The following ARAP1 variants were observed in gnomAD, a reference collection of about 807,000 sequenced individuals.
The protein encoded by ARAP1 is arf-GAP with Rho-GAP domain, ANK repeat and PH domain-containing protein 1.
ARAP1 carries 76 observed loss-of-function variants against 172.2 expected under a neutral mutation model. The ratio of observed to expected loss-of-function variants is 0.44; its 90% CI spans 0.37 to 0.53. The LOEUF is 0.53. Among genes scored for constraint, ARAP1 ranks in the 20% least tolerant of loss-of-function variants. The pLI, the probability that ARAP1 is intolerant of heterozygous loss-of-function variation, is 0.00. For synonymous variants in ARAP1, 804 were observed against 803.3 expected (o/e 1.00, Z -0.01); for missense variants, 1,686 against 1,977.5 (o/e 0.85, Z 2.80).
At chr11:72,731,378 A>C (rs922355857) in intron 2 of ARAP1, among the ~76,000 whole-genome samples, 1 of 152,160 alleles carries the variant, frequency 6.6e-6, no homozygotes, top group Non-Finnish European at 1.5e-5. Flanking sequence ...CCATGGTAAC[A>C]AGTGAGTTAT....
At chr11:72,722,640 G>A (rs1242672019) in intron 3 of ARAP1, among the ~76,000 whole-genome samples, 2 of 152,232 alleles carry the variant, frequency 1.3e-5, no homozygotes, top group African/African-American at 4.8e-5. Flanking sequence ...GGACTGCAGG[G>A]CAGTCAAGGG....
intron 14 of ARAP1, chr11:72,703,795 A>G (rs1440546589): frequency 1.4e-5 from 4 of 284,416 alleles, no homozygotes; most frequent in Non-Finnish European, 2.7e-5. Flanking sequence ...GATGGGTCAG[A>G]GCAGCCCAGC....
intron 1 of ARAP1, among the ~76,000 whole-genome samples, chr11:72,751,394 C>T (rs557467157): frequency 3.0e-4 from 45 of 152,282 alleles, no homozygotes; most frequent in African/African-American, 1.1e-3. Context: ...TCCAGTCATC[C>T]CCTCCCCTGG....
Position 72,726,954 on chromosome 11 carries a change from G to A in ARAP1, c.175C>T (p.Arg59Cys), listed in dbSNP as rs747974104. The change falls in exon 3 of 35, where the codon CGC (arginine) becomes TGC (cysteine). Residue 59 changes from arginine to cysteine, a missense_variant. Coordinates refer to ENST00000393609, the MANE Select transcript of ARAP1 (RefSeq NM_001040118.3). The surrounding 1 kb of genome is among the most constrained non-coding windows in gnomAD (Gnocchi z 6.5). ...GCACGGAGCAGGCCAGCCAGGATGCGGCGGCGGTGACCAGGGAGTAGCATG... is the reference window on the plus strand; with the variant it reads ...GCACGGAGCAGGCCAGCCAGGATGCAGCGGCGGTGACCAGGGAGTAGCATG... ...MGMLLPGHRR[R>C]ILAGLLRAHT... 4.4e-6 allele frequency: 7 copies of A among 1,599,312 alleles called. No individual in the cohort carries two copies. Among genetic ancestry groups the A allele is most frequent in the East Asian group, 2.3e-5 (1 of 44,170 alleles).
Position 72,714,199 on chromosome 11 carries a change from CA to C in ARAP1, c.631del (p.Cys211AlafsTer35). The C allele has an allele frequency of 6.6e-7, 1 of 1,520,608 alleles. No homozygotes were observed. Among genetic ancestry groups the C allele is most frequent in the Non-Finnish European group, 8.8e-7 (1 of 1,139,200 alleles). 94.2% of individuals were successfully genotyped at this position (1,520,608 alleles called of 1,614,324 possible). A position where few individuals can be genotyped will look rare whatever the true frequency, so the allele number is the denominator to read the frequency against. On this transcript the variant is annotated frameshift_variant, in exon 4 of 35. Transcript: ENST00000393609. LOFTEE classifies it high-confidence loss of function. ...GPPQPPSPPP[C>X]PPEIPPKPVR... Reference sequence around the variant, plus strand: ...CGGCTTTGGAGGTATCTCCGGGGGGCAGGGAGGTGGAGAGGGAGGCTGGGGA... The same window carrying C: ...CGGCTTTGGAGGTATCTCCGGGGGGCGGGAGGTGGAGAGGGAGGCTGGGGA...
At chr11:72,705,582 A>G (rs1426038173) in intron 13 of ARAP1, 1 of 481,242 alleles carries the variant, frequency 2.1e-6, no homozygotes, top group African/African-American at 2.0e-5. Flanking sequence ...CTTTAAAAAA[A>G]AATAACACTT....
Position 72,695,800 on chromosome 11 carries a change from G to A in ARAP1, c.3338C>T (p.Thr1113Met), listed in dbSNP as rs754647744. The A allele has an allele frequency of 5.6e-6, 9 of 1,614,140 alleles. No homozygotes were observed. The highest frequency in any genetic ancestry group is 4.5e-5 in the East Asian group (2 of 44,884). ...VHNLAIVFGP[T>M]LFQTDGQDYK... ...GTCCTGCCCATCTGTCTGGAAGAGCGTGGGCCCAAACACAATTGCCAGGTT... is the reference window on the plus strand; with the variant it reads ...GTCCTGCCCATCTGTCTGGAAGAGCATGGGCCCAAACACAATTGCCAGGTT... The change falls in exon 24 of 35, where the codon ACG (threonine) becomes ATG (methionine). Residue 1113 changes from threonine to methionine, a missense_variant. Around this residue, in one of 5 missense-constraint regions of ARAP1, gnomAD observed 379 missense variants for 500.1 expected, o/e 0.76. Transcript: ENST00000393609. The surrounding 1 kb of genome is among the most constrained non-coding windows in gnomAD (Gnocchi z 4.4).
chr11:72,698,248 T>A, intron 18 of ARAP1, 142 bp from the exon 19 acceptor site: 2 of 1,043,120 alleles, frequency 1.9e-6, no homozygotes, highest in Non-Finnish European at 2.7e-6. Context: ...CCAAGCCCAG[T>A]GATGGAACTT....
intron 3 of ARAP1, among the ~76,000 whole-genome samples, chr11:72,716,819 A>G (rs1021679360): frequency 1.2e-4 from 19 of 152,196 alleles, no homozygotes; most frequent in African/African-American, 4.6e-4. Context: ...TGGCAGACGA[A>G]GGCCTGCCAC....
chr11:72,742,912 C>T (rs1209557094), intron 1 of ARAP1, among the ~76,000 whole-genome samples: 2 of 152,196 alleles, frequency 1.3e-5, no homozygotes, highest in Admixed American at 6.5e-5. Flanking sequence ...GCAACCTGTC[C>T]CTGTGTGCCC....
At chr11:72,687,883 C>T in intron 31 of ARAP1, 145 bp from the exon 32 acceptor site, 1 of 947,724 alleles carries the variant, frequency 1.1e-6, no homozygotes, top group Non-Finnish European at 1.7e-6. Context: ...ATCCTGGCCT[C>T]TTCCTGTCTC....
rs575786831 is a variant in ARAP1, at chr11:72,744,140, ATGTCACCATCTGTGACTGTGTG to A, written c.-128+8166_-128+8187del. Among the ~76,000 whole-genome samples, 1,209 of 152,126 alleles carry A rather than the reference ATGTCACCATCTGTGACTGTGTG, an allele frequency of 7.9e-3. 16 individuals carry two copies. The highest frequency in any genetic ancestry group is 0.027 in the African/African-American group (1,133 of 41,476). ...ACAGTCACAGCCCTGATCACACCAG[ATGTCACCATCTGTGACTGTGTG>A]TGTCACCATCTGTGACTGTGTCTGT... On this transcript the variant is annotated intron_variant, in intron 1 of 34. Transcript: ENST00000393609.
chr11:72,693,166 A>T lies in ARAP1; in HGVS notation c.3954+159T>A, dbSNP rs1856013837. The T allele has an allele frequency of 3.4e-6, 4 of 1,184,242 alleles. No individual in the cohort carries two copies. In the South Asian group the frequency reaches 6.3e-5, roughly 19 times the overall value. 73.4% of individuals were successfully genotyped at this position (1,184,242 alleles called of 1,614,324 possible). On this transcript the variant is annotated intron_variant, in intron 29 of 34. Coordinates refer to ENST00000393609, the MANE Select transcript of ARAP1 (RefSeq NM_001040118.3). This position sits in a 1 kb window ranked among gnomAD's most constrained non-coding sequence, Gnocchi z 4.6. ...CACTAGAGTGGCCGTCCAGGGCCAC[A>T]GCAGGAGGGGTCTTGAGAGTCTACA...
intron 11 of ARAP1, chr11:72,708,082 G>GA (rs1856847098): frequency 6.6e-6 from 1 of 151,996 alleles, no homozygotes; most frequent in Non-Finnish European, 1.5e-5. Context: ...GACTGTCCCT[G>GA]AAAAAATTTA....
intron 2 of ARAP1, among the ~76,000 whole-genome samples, chr11:72,728,594 A>T (rs905459899): frequency 1.3e-5 from 2 of 152,224 alleles, no homozygotes; most frequent in Non-Finnish European, 2.9e-5. Flanking sequence ...ACAAAAACAA[A>T]AACAAAAACA....
In ARAP1 at chr11:72,727,099, C is replaced by T. The variant is rs1015923848; in HGVS notation, c.30G>A (p.Ser10=). ...GCAATGCCCGCAGCCACTCGGCCAC[C>T]GATAGCGCAGCATCCCCAGCCTCTG... MAEAGDAAL[S]VAEWLRALHL... Residue 10 remains serine (S), a synonymous_variant, in exon 3 of 35, where the codon TCG becomes TCA. Coordinates refer to ENST00000393609, the MANE Select transcript of ARAP1 (RefSeq NM_001040118.3). 8 of 1,594,468 alleles carry T rather than the reference C, an allele frequency of 5.0e-6. No individual in the cohort carries two copies. Among genetic ancestry groups the T allele is most frequent in the Admixed American group, 3.4e-5 (2 of 59,592 alleles).
Position 72,723,679 on chromosome 11 carries a change from G to A in ARAP1, c.509+2941C>T, listed in dbSNP as rs1033490719. On this transcript the variant is annotated intron_variant, in intron 3 of 34. Coordinates refer to ENST00000393609, the MANE Select transcript of ARAP1 (RefSeq NM_001040118.3). Reference sequence around the variant, plus strand: ...TCACTGGGTGCTGAGTCACATGCGTGTTTACCCACATGCACCCCAAGCTCA... The same window carrying A: ...TCACTGGGTGCTGAGTCACATGCGTATTTACCCACATGCACCCCAAGCTCA... Among the ~76,000 whole-genome samples, 3 of 152,330 alleles carry A rather than the reference G, an allele frequency of 2.0e-5. No individual in the cohort carries two copies. The East Asian group carries it at 5.8e-4, about 29-fold the overall frequency.
chr11:72,695,518 C>T lies in ARAP1; in HGVS notation c.3507+24G>A, dbSNP rs371492893. 3.7e-6 allele frequency: 6 copies of T among 1,614,142 alleles called. No individual in the cohort carries two copies. Among genetic ancestry groups the T allele is most frequent in the Non-Finnish European group, 4.2e-6 (5 of 1,180,036 alleles). On this transcript the variant is annotated intron_variant, in intron 25 of 34. Coordinates refer to ENST00000393609, the MANE Select transcript of ARAP1 (RefSeq NM_001040118.3). This position sits in a 1 kb window ranked among gnomAD's most constrained non-coding sequence, Gnocchi z 4.4. ...TGGGTGCAGGTGGCAGGTCCAAGCC[C>T]CCCACCCAGGCTCCAGCCTTCACCT...
intron 3 of ARAP1, chr11:72,721,832 C>A (rs1052123609): frequency 1.6e-5 from 16 of 985,628 alleles, no homozygotes; most frequent in Non-Finnish European, 1.9e-5. Context: ...ACAACAGCAA[C>A]GGCGGCACCT....
Sources: allele counts gnomAD v4.1 joint callset (sites outside exome capture counted in the v4.1 genomes callset), GRCh38; gene constraint gnomAD v4.1.1; regional missense constraint gnomAD v4.1.1; non-coding constraint Gnocchi (gnomAD v3.1); transcripts MANE v1.5; gene names NCBI Gene and HGNC (gene_info 2026-07-23, HGNC 2026-07-21).